The following LZTS1 variants were observed in gnomAD, a reference collection of about 807,000 sequenced individuals.
LZTS1 encodes the protein leucine zipper putative tumor suppressor 1.
In LZTS1, 31 loss-of-function variants were observed where a neutral mutation model predicts 45.8. The observed-to-expected ratio is 0.68, with a 90% confidence interval of 0.51 to 0.91. The LOEUF (loss-of-function observed/expected upper bound fraction) is 0.91. Ranked by LOEUF, LZTS1 falls within the 40% of genes least tolerant of loss-of-function variation. The pLI, the probability that LZTS1 is intolerant of heterozygous loss-of-function variation, is 0.00. For missense variants in LZTS1, 821 were observed against 788.9 expected (o/e 1.04, Z -0.49); for synonymous variants, 359 against 357.3 (o/e 1.00, Z -0.05).
chr8:20,253,703 C>A (rs889823504), intron 2 of LZTS1, 118 bp from the exon 3 acceptor site: 5 of 711,806 alleles, frequency 7.0e-6, no homozygotes, highest in East Asian at 5.5e-5. Flanking sequence ...GCACGCAGCA[C>A]CCCTCTTGGT....
chr8:20,255,185 G>T lies in LZTS1; in HGVS notation c.-4C>A. The T allele has an allele frequency of 1.2e-6, 2 of 1,608,496 alleles. No homozygotes were observed. Among genetic ancestry groups the T allele is most frequent in the South Asian group, 2.2e-5 (2 of 90,684 alleles). ...TGAGGCTACTGACGCTGCCCATGGTGACTCGGGGCTGAGGATGGGGCAGGG... is the reference window on the plus strand; with the variant it reads ...TGAGGCTACTGACGCTGCCCATGGTTACTCGGGGCTGAGGATGGGGCAGGG... On this transcript the variant is annotated 5_prime_UTR_variant, in exon 2 of 4. The change creates a premature stop within an existing upstream ORF in the 5' untranslated region. Coordinates refer to ENST00000381569, the MANE Select transcript of LZTS1 (RefSeq NM_021020.5).
At chr8:20,252,008 G>A (rs534795103) in intron 3 of LZTS1, among the ~76,000 whole-genome samples, 1 of 152,278 alleles carries the variant, frequency 6.6e-6, no homozygotes, top group South Asian at 2.1e-4. Context: ...GGGTGAGGCA[G>A]GCACGTGGAC....
chr8:20,275,588 G>A (rs745655719), intron 1 of LZTS1, among the ~76,000 whole-genome samples: 83 of 151,886 alleles, frequency 5.5e-4, no homozygotes, highest in Non-Finnish European at 8.2e-4. Context: ...GGGCAATCTC[G>A]GGGTAAGAGA....
intron 1 of LZTS1, among the ~76,000 whole-genome samples, chr8:20,273,949 A>T (rs1021736517): frequency 6.6e-6 from 1 of 151,774 alleles, no homozygotes; most frequent in Non-Finnish European, 1.5e-5. Context: ...CCCGCCCTCT[A>T]TTCTGAGACT....
chr8:20,266,847 C>A (rs778980516), intron 1 of LZTS1, among the ~76,000 whole-genome samples: 3 of 152,158 alleles, frequency 2.0e-5, no homozygotes, highest in African/African-American at 7.2e-5. Context: ...GTGGCTCACA[C>A]CTGTAATCCC....
In LZTS1 at chr8:20,270,833, T is replaced by TGTGTG. The variant is rs1563878388; in HGVS notation, c.-134-15519_-134-15518insCACAC. Among the ~76,000 whole-genome samples the TGTGTG allele has an allele frequency of 1.4e-3, 169 of 119,250 alleles. 2 individuals carry two copies. Among genetic ancestry groups the TGTGTG allele is most frequent in the South Asian group, 7.3e-3 (26 of 3,582 alleles). 78.2% of individuals were successfully genotyped at this position (119,250 alleles called of 152,430 possible). On this transcript the variant is annotated intron_variant, in intron 1 of 3. Transcript: ENST00000381569. Reference sequence around the variant, plus strand: ...TGTGTGTGTGTGTGTGTGTGTGTGTTTGTGTGTGTGGAGAGGGAAGGGGTG... The same window carrying TGTGTG: ...TGTGTGTGTGTGTGTGTGTGTGTGTTGTGTGTGTGTGTGTGGAGAGGGAAGGGGTG...
Position 20,252,792 on chromosome 8 carries a change from G to T in LZTS1, c.1139C>A (p.Thr380Asn). The change falls in exon 3 of 4, where the codon ACC becomes AAC. Residue 380 changes from threonine to asparagine, a missense_variant. Thr to Asn is a moderately conservative substitution (Grantham distance 65). Transcript: ENST00000381569. The stretch of plus-strand genomic sequence containing the variant: ...CCTGTGTGGCCTCACCTCCCACTGG[G>T]TCTCCTCCAGCGCGGGGCCGAAGCT... ...KTSFGPALEE[T>N]QWEVCQKSGE... 1 of 1,516,212 alleles carries T rather than the reference G, an allele frequency of 6.6e-7. No individual in the cohort carries two copies. The highest frequency in any genetic ancestry group is 8.8e-7 in the Non-Finnish European group (1 of 1,131,566). 93.9% of individuals were successfully genotyped at this position (1,516,212 alleles called of 1,614,324 possible).
chr8:20,284,281 G>A (rs552506605), intron 1 of LZTS1, among the ~76,000 whole-genome samples: 5 of 152,300 alleles, frequency 3.3e-5, no homozygotes, highest in African/African-American at 7.2e-5. Context: ...AAGAAGCACC[G>A]GCCATGCCAG....
chr8:20,289,182 T>G (rs1052167691), intron 1 of LZTS1: 1 of 152,126 alleles, frequency 6.6e-6, no homozygotes, highest in Non-Finnish European at 1.5e-5. Flanking sequence ...GAAAACAGAT[T>G]TGTAATCATG....
intron 1 of LZTS1, chr8:20,289,395 G>A (rs60808207): frequency 0.037 from 5,664 of 152,426 alleles, 134 homozygotes; most frequent in East Asian, 0.11. Flanking sequence ...TGATCGTGGG[G>A]GTCCTCCTGC....
chr8:20,260,877 G>C (rs1800214146), intron 1 of LZTS1, among the ~76,000 whole-genome samples: 1 of 152,180 alleles, frequency 6.6e-6, no homozygotes, highest in Non-Finnish European at 1.5e-5. Context: ...ACACAGAGGA[G>C]CTTTGAAGTT....
intron 1 of LZTS1, among the ~76,000 whole-genome samples, chr8:20,255,595 G>A (rs964844464): frequency 6.6e-6 from 1 of 152,164 alleles, no homozygotes; most frequent in African/African-American, 2.4e-5. Flanking sequence ...ACAGTGGTGT[G>A]GAGAGGCCAG....
chr8:20,303,392 C>T (rs1212540580), intron 1 of LZTS1, among the ~76,000 whole-genome samples: 1 of 152,196 alleles, frequency 6.6e-6, no homozygotes, highest in African/African-American at 2.4e-5. Context: ...CACTTCTTCA[C>T]CTCCGACACC....
At position 20,255,301 on chromosome 8, in the gene LZTS1, G is replaced by T. The variant is rs1376416704; in HGVS notation, c.-120C>A. Reference sequence around the variant, plus strand: ...TCATAGCAAAGCCCTCACAGAGCCTGCGAGAGCCGTAGACCTGGAAGAAGA... The same window carrying T: ...TCATAGCAAAGCCCTCACAGAGCCTTCGAGAGCCGTAGACCTGGAAGAAGA... On this transcript the variant is annotated 5_prime_UTR_variant, in exon 2 of 4. Coordinates refer to ENST00000381569, the MANE Select transcript of LZTS1 (RefSeq NM_021020.5). The T allele has an allele frequency of 3.5e-6, 5 of 1,447,976 alleles. No individual in the cohort carries two copies. The highest frequency in any genetic ancestry group is 3.6e-6 in the Non-Finnish European group (4 of 1,106,540). 89.7% of individuals were successfully genotyped at this position (1,447,976 alleles called of 1,614,324 possible).
intron 1 of LZTS1, among the ~76,000 whole-genome samples, chr8:20,276,564 G>GC (rs1360479134): frequency 6.6e-6 from 1 of 151,998 alleles, no homozygotes; most frequent in Non-Finnish European, 1.5e-5. Context: ...CTTTCTCTAC[G>GC]CATCTCTTCA....
At chr8:20,299,279 C>A (rs1057231879) in intron 1 of LZTS1, among the ~76,000 whole-genome samples, 1 of 152,228 alleles carries the variant, frequency 6.6e-6, no homozygotes, top group Non-Finnish European at 1.5e-5. Flanking sequence ...ATACCCTCCT[C>A]AGGTTCAACT....
intron 1 of LZTS1, among the ~76,000 whole-genome samples, chr8:20,269,765 T>C (rs992906191): frequency 3.3e-5 from 5 of 152,192 alleles, no homozygotes; most frequent in African/African-American, 1.2e-4. Context: ...AGCAGATCTC[T>C]GACTTTGTGG....
intron 1 of LZTS1, among the ~76,000 whole-genome samples, chr8:20,265,958 A>G (rs28552383): frequency 0.019 from 2,929 of 152,210 alleles, 96 homozygotes; most frequent in African/African-American, 0.066. Context: ...GGCAGATAGC[A>G]CTAAAGCTTC....
At chr8:20,283,792 G>A (rs1800739597) in intron 1 of LZTS1, among the ~76,000 whole-genome samples, 1 of 152,144 alleles carries the variant, frequency 6.6e-6, no homozygotes, top group Non-Finnish European at 1.5e-5. Flanking sequence ...TCTTCTGGCT[G>A]CAACTTCAGG....
Sources: gnomAD v4.1 joint callset for allele counts (sites outside exome capture counted in the v4.1 genomes callset) on GRCh38, gnomAD v4.1.1 for gene constraint, MANE v1.5 for transcripts, NCBI Gene and HGNC (gene_info 2026-07-23, HGNC 2026-07-21) for gene names.